The following PBX4 variants were observed in gnomAD, a reference collection of about 807,000 sequenced individuals.
PBX4 encodes PBX homeobox 4.
In PBX4, 26 loss-of-function variants were observed where a neutral mutation model predicts 35.1. The ratio of observed to expected loss-of-function variants is 0.74; its 90% CI spans 0.54 to 1.03. The LOEUF (loss-of-function observed/expected upper bound fraction) is 1.03, where lower values mean the gene tolerates loss of function less well. Among genes scored for constraint, PBX4 ranks in the 50% least tolerant of loss-of-function variants. The pLI is 0.00. For missense variants in PBX4, 448 were observed against 504.3 expected, an observed-to-expected ratio of 0.89 and a Z score of 1.07; for synonymous variants, 199 against 204.2, an observed-to-expected ratio of 0.97 and a Z score of 0.22.
chr19:19,599,385 G>A lies in PBX4; in HGVS notation c.120-20C>T, dbSNP rs2061582330. On this transcript the variant is annotated intron_variant, in intron 1 of 7. Transcript: ENST00000251203. Reference sequence around the variant, plus strand: ...TGCTTTCTGAAAGGGAGGTGACAGAGGAGGGTGTGAGAAAAGAATAGTCAT... The same window carrying A: ...TGCTTTCTGAAAGGGAGGTGACAGAAGAGGGTGTGAGAAAAGAATAGTCAT... 5 of 1,602,214 alleles carry A rather than the reference G, an allele frequency of 3.1e-6. No individual in the cohort carries two copies. The East Asian group carries it at 6.7e-5, about 21-fold the overall frequency.
chr19:19,593,714 C>T (rs1355621182), intron 2 of PBX4, among the ~76,000 whole-genome samples: 1 of 152,144 alleles, frequency 6.6e-6, no homozygotes, highest in African/African-American at 2.4e-5. Flanking sequence ...CCAAAACATA[C>T]CCTGTACCCA....
chr19:19,605,840 ATTTTTTTTTT>A (rs71338333), intron 1 of PBX4, among the ~76,000 whole-genome samples: 1 of 123,094 alleles, frequency 8.1e-6, no homozygotes, highest in African/African-American at 3.0e-5. Flanking sequence ...AGGCTCTAGG[ATTTTTTTTTT>A]TTTTTTTTTT....
intron 2 of PBX4, among the ~76,000 whole-genome samples, chr19:19,584,853 T>G (rs1039346295): frequency 4.6e-5 from 7 of 151,820 alleles, no homozygotes; most frequent in African/African-American, 1.7e-4. Flanking sequence ...CTCGAGCTCC[T>G]GACCTCGTGA....
intron 2 of PBX4, among the ~76,000 whole-genome samples, chr19:19,572,260 A>T (rs2061388992): frequency 6.6e-6 from 1 of 151,066 alleles, no homozygotes; most frequent in Non-Finnish European, 1.5e-5. Context: ...TTTTTAGTAG[A>T]GACAAGGTTT....
chr19:19,610,450 T>A (rs570410649), intron 1 of PBX4, among the ~76,000 whole-genome samples: 1 of 150,544 alleles, frequency 6.6e-6, no homozygotes, highest in East Asian at 2.0e-4. Flanking sequence ...TACAAAAAAA[T>A]AAAAACAACA....
At chr19:19,585,177 T>G (rs756878314) in intron 2 of PBX4, among the ~76,000 whole-genome samples, 5 of 151,944 alleles carry the variant, frequency 3.3e-5, no homozygotes, top group Admixed American at 6.6e-5. Context: ...AATATAAAAT[T>G]AGCTGGGCGT....
At chr19:19,564,386 C>T (rs894087482) in intron 6 of PBX4, among the ~76,000 whole-genome samples, 6 of 151,842 alleles carry the variant, frequency 4.0e-5, no homozygotes, top group Non-Finnish European at 5.9e-5. Flanking sequence ...TTAATCCAGT[C>T]TATCATTGTT....
intron 2 of PBX4, among the ~76,000 whole-genome samples, chr19:19,582,378 A>C (rs1474068774): frequency 6.6e-6 from 1 of 152,180 alleles, no homozygotes; most frequent in African/African-American, 2.4e-5. Context: ...CCTTAAGCAG[A>C]CACACACAAG....
intron 2 of PBX4, among the ~76,000 whole-genome samples, chr19:19,583,446 AC>A (rs1383126087): frequency 6.6e-6 from 1 of 151,938 alleles, no homozygotes; most frequent in African/African-American, 2.4e-5. Flanking sequence ...CCCCATCTCT[AC>A]AAAAAATTTT....
chr19:19,576,532 A>T (rs919625737), intron 2 of PBX4, among the ~76,000 whole-genome samples: 2 of 151,938 alleles, frequency 1.3e-5, no homozygotes, highest in African/African-American at 4.8e-5. Context: ...CCAAAAAAAA[A>T]AATTTTTTTT....
In PBX4 at chr19:19,563,803, T is replaced by C; in HGVS notation, c.926-188A>G. On this transcript the variant is annotated intron_variant, in intron 6 of 7. Coordinates refer to ENST00000251203, the MANE Select transcript of PBX4 (RefSeq NM_025245.3). The surrounding 1 kb of genome is among the most constrained non-coding windows in gnomAD (Gnocchi z 5.1). Reference sequence around the variant, plus strand: ...CCACCACACTACTCATGTCCCCTCATGGCTTGTCTTTTTTTTTTCTTTTTA... The same window carrying C: ...CCACCACACTACTCATGTCCCCTCACGGCTTGTCTTTTTTTTTTCTTTTTA... 1 of 559,404 alleles carries C rather than the reference T, an allele frequency of 1.8e-6. No individual in the cohort carries two copies. The highest frequency in any genetic ancestry group is 1.9e-5 in the African/African-American group (1 of 51,402). The allele number at this position is 559,404 out of a possible 1,614,324, so 34.7% of individuals were successfully genotyped here.
At chr19:19,569,973 T>C (rs1600398253) in intron 4 of PBX4, 136 bp downstream of exon 4, 1 of 747,218 alleles carries the variant, frequency 1.3e-6, no homozygotes, top group Non-Finnish European at 2.0e-6. Context: ...TCAGGCCTTC[T>C]TCCCAAGAGG....
intron 2 of PBX4, among the ~76,000 whole-genome samples, chr19:19,595,326 G>A (rs1055715652): frequency 6.6e-6 from 1 of 152,154 alleles, no homozygotes; most frequent in African/African-American, 2.4e-5. Flanking sequence ...CATTGGCTGT[G>A]TCCTTCTGAG....
chr19:19,575,108 G>A (rs921604002), intron 2 of PBX4, among the ~76,000 whole-genome samples: 3 of 152,088 alleles, frequency 2.0e-5, no homozygotes, highest in African/African-American at 7.2e-5. Context: ...GTGGTGGCGG[G>A]TGCCTGTAGT....
chr19:19,564,149 C>A (rs1299876348), intron 6 of PBX4, among the ~76,000 whole-genome samples: 2 of 119,384 alleles, frequency 1.7e-5, no homozygotes, highest in Non-Finnish European at 3.4e-5. Flanking sequence ...CCCCTCCCCC[C>A]ACCCCACAAC....
chr19:19,581,542 C>T (rs764589276), intron 2 of PBX4, among the ~76,000 whole-genome samples: 4 of 152,204 alleles, frequency 2.6e-5, no homozygotes, highest in Non-Finnish European at 2.9e-5. Flanking sequence ...TGGAAGGAGC[C>T]GGCATTCCAC....
At chr19:19,592,636 C>T (rs1309935410) in intron 2 of PBX4, among the ~76,000 whole-genome samples, 2 of 152,158 alleles carry the variant, frequency 1.3e-5, no homozygotes, top group Non-Finnish European at 2.9e-5. Context: ...AGTCAGGCCC[C>T]CAGACACTGA....
intron 5 of PBX4, among the ~76,000 whole-genome samples, chr19:19,566,899 G>A (rs1358644753): frequency 2.0e-5 from 3 of 152,068 alleles, no homozygotes; most frequent in African/African-American, 4.8e-5. Context: ...CAGTAGCCAC[G>A]GGGTTTCACC....
At chr19:19,612,297 C>CA (rs2061666721) in intron 1 of PBX4, among the ~76,000 whole-genome samples, 1 of 151,992 alleles carries the variant, frequency 6.6e-6, no homozygotes, top group Non-Finnish European at 1.5e-5. Context: ...CAAAACAAAA[C>CA]AAAAAACCCA....
Sources: allele counts gnomAD v4.1 joint callset (sites outside exome capture counted in the v4.1 genomes callset), GRCh38; gene constraint gnomAD v4.1.1; non-coding constraint Gnocchi (gnomAD v3.1); transcripts MANE v1.5; gene names NCBI Gene and HGNC (gene_info 2026-07-23, HGNC 2026-07-21).